The following RALGAPA2 variants were observed in gnomAD, a reference collection of about 807,000 sequenced individuals.
RALGAPA2 encodes the protein ral GTPase-activating protein subunit alpha-2.
In RALGAPA2, 139 loss-of-function variants were observed where a neutral mutation model predicts 230.4. That is an observed-to-expected ratio of 0.60 (90% confidence interval 0.53 to 0.69). RALGAPA2 has a LOEUF of 0.69. RALGAPA2 is among the 30% of genes least tolerant of loss of function. RALGAPA2 has a pLI of 0.00. For synonymous variants in RALGAPA2, 847 were observed against 837.8 expected (o/e 1.01, Z -0.19); for missense variants, 2,163 against 2,276.0 (o/e 0.95, Z 1.01).
At chr20:20,413,569 C>G (rs891048799) in intron 37 of RALGAPA2, among the ~76,000 whole-genome samples, 1 of 152,156 alleles carries the variant, frequency 6.6e-6, no homozygotes, top group African/African-American at 2.4e-5. Flanking sequence ...GCCCCTCCCC[C>G]CACCTTGCTA....
intron 1 of RALGAPA2, among the ~76,000 whole-genome samples, chr20:20,684,121 T>A (rs1265426908): frequency 6.6e-6 from 1 of 152,066 alleles, no homozygotes; most frequent in Non-Finnish European, 1.5e-5. Context: ...AATCAACAGG[T>A]CTCCTCTTTC....
At chr20:20,675,572 T>C (rs1461803225) in intron 3 of RALGAPA2, among the ~76,000 whole-genome samples, 2 of 152,172 alleles carry the variant, frequency 1.3e-5, no homozygotes, top group Non-Finnish European at 2.9e-5. Context: ...CAGTTCTGAG[T>C]GTGTTCTCCA....
chr20:20,521,026 C>A lies in RALGAPA2; in HGVS notation c.3975G>T (p.Leu1325Phe). The change falls in exon 31 of 40, where the codon TTG becomes TTT. Residue 1325 changes from leucine to phenylalanine, a missense_variant. Transcript: ENST00000202677. ...GGAAGGGGTCATAATCCGTGGATGA[C>A]AAGTCAGCCAGGGTCAGTATGTAGT... is the stretch of plus-strand genomic sequence containing the variant. ...QSHYILTLAD[L>F]SSTDYDPFLP... The A allele has an allele frequency of 6.2e-7, 1 of 1,613,884 alleles. No homozygotes were observed.
rs377079618 is a variant in RALGAPA2 at position 20,497,566 on chromosome 20, G to A, written c.5209-2291C>T. The stretch of plus-strand genomic sequence containing the variant: ...GCCACCACCCGATGTTGGTGCTCTA[G>A]TATCTGTGATAGCTCCTTTTGATCC... On this transcript the variant is annotated intron_variant, in intron 35 of 39. Coordinates refer to ENST00000202677, the MANE Select transcript of RALGAPA2 (RefSeq NM_020343.4). Among the ~76,000 whole-genome samples the A allele has an allele frequency of 1.0e-3, 152 of 152,326 alleles. No homozygotes were observed. The South Asian group carries it at 0.02, about 20-fold the overall frequency.
intron 27 of RALGAPA2, among the ~76,000 whole-genome samples, chr20:20,531,430 G>A (rs1001610945): frequency 2.0e-4 from 30 of 152,154 alleles, no homozygotes; most frequent in Admixed American, 4.6e-4. Flanking sequence ...ACCTCTTTGC[G>A]ACAGGAGCTT....
At chr20:20,614,061 G>C (rs1167933101) in intron 13 of RALGAPA2, among the ~76,000 whole-genome samples, 28 of 152,056 alleles carry the variant, frequency 1.8e-4, no homozygotes, top group South Asian at 4.1e-4. Flanking sequence ...TTTATTAGAT[G>C]GAAGAAAAGG....
chr20:20,635,021 A>G (rs552994039), intron 9 of RALGAPA2, among the ~76,000 whole-genome samples: 1 of 152,288 alleles, frequency 6.6e-6, no homozygotes, highest in South Asian at 2.1e-4. Flanking sequence ...GCAGCTTCAC[A>G]GGTCCTTTCC....
At chr20:20,409,767 A>G (rs924406911) in intron 38 of RALGAPA2, among the ~76,000 whole-genome samples, 1 of 152,220 alleles carries the variant, frequency 6.6e-6, no homozygotes, top group Admixed American at 6.5e-5. Flanking sequence ...GTGCTTGTCT[A>G]TGGTGCTGAA....
intron 9 of RALGAPA2, among the ~76,000 whole-genome samples, chr20:20,630,992 A>G (rs1010832693): frequency 1.3e-5 from 2 of 152,184 alleles, no homozygotes; most frequent in Non-Finnish European, 2.9e-5. Flanking sequence ...CCTTCCACAG[A>G]GACGTGAGGC....
At chr20:20,625,644 A>G (rs2066468450) in intron 10 of RALGAPA2, among the ~76,000 whole-genome samples, 1 of 152,180 alleles carries the variant, frequency 6.6e-6, no homozygotes, top group African/African-American at 2.4e-5. Context: ...CTTGAACTAC[A>G]CTGTGAAATA....
intron 30 of RALGAPA2, among the ~76,000 whole-genome samples, chr20:20,521,862 A>G (rs539332881): frequency 4.7e-4 from 71 of 152,376 alleles, no homozygotes; most frequent in African/African-American, 1.7e-3. Flanking sequence ...TATGTAAAGT[A>G]AATTCACTTT....
intron 38 of RALGAPA2, among the ~76,000 whole-genome samples, chr20:20,400,781 C>T (rs921342745): frequency 9.2e-5 from 14 of 152,220 alleles, no homozygotes; most frequent in South Asian, 4.1e-4. Flanking sequence ...GGAAACAGCC[C>T]GAATGTCCAT....
intron 23 of RALGAPA2, among the ~76,000 whole-genome samples, chr20:20,562,135 T>C (rs1438782855): frequency 1.3e-5 from 2 of 152,194 alleles, no homozygotes; most frequent in Non-Finnish European, 2.9e-5. Flanking sequence ...TTACCCATTC[T>C]TCCCCATGAT....
intron 37 of RALGAPA2, among the ~76,000 whole-genome samples, chr20:20,424,967 G>A (rs1201825951): frequency 2.0e-5 from 3 of 152,066 alleles, no homozygotes; most frequent in East Asian, 1.9e-4. Flanking sequence ...AATAAAATAC[G>A]TTACAGGTAC....
rs955768436 is a variant in RALGAPA2 at position 20,395,287 on chromosome 20, C to T, written c.*35+1408G>A. Among the ~76,000 whole-genome samples, 6 of 152,246 alleles carry T rather than the reference C, an allele frequency of 3.9e-5. 1 individual carries two copies. Among genetic ancestry groups the T allele is most frequent in the South Asian group, 4.1e-4 (2 of 4,830 alleles). On this transcript the variant is annotated intron_variant, in intron 39 of 39. Coordinates refer to ENST00000202677, the MANE Select transcript of RALGAPA2 (RefSeq NM_020343.4). ...GACATTCTCATCTGCACTGGGCCCT[C>T]GTGCCACAGCACCCCGTGGTGGGGA...
chr20:20,419,216 C>T (rs936110526), intron 37 of RALGAPA2, among the ~76,000 whole-genome samples: 6 of 152,046 alleles, frequency 3.9e-5, no homozygotes, highest in East Asian at 1.9e-4. Context: ...AGTACCGGGA[C>T]GTGTTTTAGT....
chr20:20,541,899 G>A (rs991664097), intron 24 of RALGAPA2, among the ~76,000 whole-genome samples: 1 of 152,166 alleles, frequency 6.6e-6, no homozygotes, highest in Non-Finnish European at 1.5e-5. Context: ...AATGAACATA[G>A]TATTGGAAGT....
intron 16 of RALGAPA2, chr20:20,598,590 G>A: frequency 8.4e-6 from 3 of 358,308 alleles, no homozygotes; most frequent in South Asian, 2.1e-5. Context: ...CGTGTGTGAT[G>A]TGGGGATATT....
intron 37 of RALGAPA2, among the ~76,000 whole-genome samples, chr20:20,441,278 A>C (rs922374088): frequency 6.6e-6 from 1 of 152,224 alleles, no homozygotes; most frequent in African/African-American, 2.4e-5. Flanking sequence ...CCTTTTTCAT[A>C]ACAGAAAATG....
Sources: allele counts gnomAD v4.1 joint callset (sites outside exome capture counted in the v4.1 genomes callset), GRCh38; gene constraint gnomAD v4.1.1; transcripts MANE v1.5; gene names NCBI Gene and HGNC (gene_info 2026-07-23, HGNC 2026-07-21).